The following BRIP1 variants were observed in gnomAD, a reference collection of about 807,000 sequenced individuals.
The protein encoded by BRIP1 is BRCA1 interacting DNA helicase 1.
BRIP1 carries 88 observed loss-of-function variants against 119.7 expected under a neutral mutation model. That is an observed-to-expected ratio of 0.74 (90% confidence interval 0.62 to 0.88). BRIP1 has a LOEUF of 0.88. Among genes scored for constraint, BRIP1 ranks in the 40% least tolerant of loss-of-function variants. BRIP1 has a pLI of 0.00. For synonymous variants in BRIP1, 443 were observed against 496.5 expected (o/e 0.89, Z 1.43); for missense variants, 1,259 against 1,455.4 (o/e 0.87, Z 2.20).
Position 61,761,679 on chromosome 17 carries a change from GAGAA to G in BRIP1, c.2097+14718_2097+14721del, listed in dbSNP as rs148321127. ...TTTTACAATAGCTACCAAAAAGAGAGAGAAAGAAAGAAAGAAATTTAACCAAGGT... is the reference window on the plus strand; with the variant it reads ...TTTTACAATAGCTACCAAAAAGAGAGAGAAAGAAAGAAATTTAACCAAGGT... On this transcript the variant is annotated intron_variant, in intron 14 of 19. Coordinates refer to ENST00000259008, the MANE Select transcript of BRIP1 (RefSeq NM_032043.3). The surrounding 1 kb of genome is among the most constrained non-coding windows in gnomAD (Gnocchi z 6.4). 7.2e-3 allele frequency among the ~76,000 whole-genome samples: 1,087 copies of G among 151,958 alleles called. 6 individuals carry two copies. Among genetic ancestry groups the G allele is most frequent in the Non-Finnish European group, 0.011 (726 of 67,884 alleles).
Position 61,803,132 on chromosome 17 carries a change from T to C in BRIP1, c.919-1658A>G, listed in dbSNP as rs1305640442. Among the ~76,000 whole-genome samples the C allele has an allele frequency of 6.6e-6, 1 of 151,730 alleles. No individual in the cohort carries two copies. The highest frequency in any genetic ancestry group is 1.9e-4 in the East Asian group (1 of 5,166). On this transcript the variant is annotated intron_variant, in intron 7 of 19. Transcript: ENST00000259008. This position sits in a 1 kb window ranked among gnomAD's most constrained non-coding sequence, Gnocchi z 4.3. ...TTTCAGAGATGGGAGTCTCACTCTG[T>C]CACCTGGGGTGCAGTGGCACGATCC...
In BRIP1 at chr17:61,756,121, T is replaced by A; in HGVS notation, c.2098-11530A>T. On this transcript the variant is annotated intron_variant, in intron 14 of 19. Coordinates refer to ENST00000259008, the MANE Select transcript of BRIP1 (RefSeq NM_032043.3). The surrounding 1 kb of genome is among the most constrained non-coding windows in gnomAD (Gnocchi z 4.3). ...ACTGGTTATTTTAGTGAAAATGGCC[T>A]ACAGCAAATTTTCAGTTTCAGATAA... Among the ~76,000 whole-genome samples, 1 of 152,226 alleles carries A rather than the reference T, an allele frequency of 6.6e-6. No homozygotes were observed. The highest frequency in any genetic ancestry group is 1.9e-4 in the East Asian group (1 of 5,204).
rs1292600973 is a variant in BRIP1, at chr17:61,762,843, T to C, written c.2097+13558A>G. On this transcript the variant is annotated intron_variant, in intron 14 of 19. Transcript: ENST00000259008. This position sits in a 1 kb window ranked among gnomAD's most constrained non-coding sequence, Gnocchi z 4.3. ...TTACTCAAAACACTCAAAACAGAAT[T>C]ACCTTATGATCTAGCAATCTCACTT... Among the ~76,000 whole-genome samples the C allele has an allele frequency of 6.6e-6, 1 of 152,102 alleles. No homozygotes were observed. Among genetic ancestry groups the C allele is most frequent in the Non-Finnish European group, 1.5e-5 (1 of 67,998 alleles).
In BRIP1 at chr17:61,794,615, T is replaced by G. The variant is rs1293660861; in HGVS notation, c.1341-886A>C. On this transcript the variant is annotated intron_variant, in intron 9 of 19. Transcript: ENST00000259008. The surrounding 1 kb of genome is among the most constrained non-coding windows in gnomAD (Gnocchi z 4.3). ...GCTTAATACCTGGGTGATGAAATAA[T>G]ATGTACAACAAACCCCCATAACATG... 1.3e-5 allele frequency among the ~76,000 whole-genome samples: 2 copies of G among 151,030 alleles called. No homozygotes were observed. Among genetic ancestry groups the G allele is most frequent in the East Asian group, 3.9e-4 (2 of 5,138 alleles).
At chr17:61,849,290 T>C (rs2078783094) in intron 4 of BRIP1, 34 bp from the exon 5 acceptor site, 1 of 1,593,876 alleles carries the variant, frequency 6.3e-7, no homozygotes, top group Non-Finnish European at 8.6e-7. Flanking sequence ...ACAGCATAAA[T>C]AACTTACAGG....
intron 14 of BRIP1, among the ~76,000 whole-genome samples, chr17:61,771,188 T>G: frequency 6.6e-6 from 1 of 152,208 alleles, no homozygotes; most frequent in East Asian, 1.9e-4. Context: ...ATTGTATGAT[T>G]CAATTTAGAT....
In BRIP1 at chr17:61,784,227, G is replaced by GCTATT. The variant is rs779194782; in HGVS notation, c.1628+38_1628+42dup. ...AAACACATGCTAGCATCCAAATTAG[G>GCTATT]CTATTTTTAAAAGGAAAATACATAC... is the stretch of plus-strand genomic sequence containing the variant. On this transcript the variant is annotated intron_variant, in intron 11 of 19. Transcript: ENST00000259008. 3.8e-6 allele frequency: 6 copies of GCTATT among 1,567,820 alleles called. No individual in the cohort carries two copies. In the South Asian group the frequency reaches 6.7e-5, roughly 18 times the overall value.
rs1238190976 is a variant in BRIP1 at position 61,852,408 on chromosome 17, CTTG to C, written c.380-3155_380-3153del. Among the ~76,000 whole-genome samples the C allele has an allele frequency of 6.6e-6, 1 of 152,068 alleles. No homozygotes were observed. The highest frequency in any genetic ancestry group is 1.5e-5 in the Non-Finnish European group (1 of 68,018). ...TGGAGGCTGGGCACGGTGGCTCACACTTGTAATTCAAGCACTTTGGGAGGCTGA... is the reference window on the plus strand; with the variant it reads ...TGGAGGCTGGGCACGGTGGCTCACACTAATTCAAGCACTTTGGGAGGCTGA... On this transcript the variant is annotated intron_variant, in intron 4 of 19. Transcript: ENST00000259008. This position sits in a 1 kb window ranked among gnomAD's most constrained non-coding sequence, Gnocchi z 4.9.
Position 61,683,030 on chromosome 17 carries a change from G to C in BRIP1, c.*266C>G, listed in dbSNP as rs1457281716. 4.8e-6 allele frequency: 2 copies of C among 417,430 alleles called. No homozygotes were observed. The highest frequency in any genetic ancestry group is 4.1e-5 in the African/African-American group (2 of 49,244). 25.9% of individuals were successfully genotyped at this position (417,430 alleles called of 1,614,324 possible). On this transcript the variant is annotated 3_prime_UTR_variant, in exon 20 of 20. Coordinates refer to ENST00000259008, the MANE Select transcript of BRIP1 (RefSeq NM_032043.3). This position sits in a 1 kb window ranked among gnomAD's most constrained non-coding sequence, Gnocchi z 4.7. ...ACCTGTAGTCCCAGCTACTCAGAAGGCTGAGGCAGGAGAATCACTTGAACC... is the reference window on the plus strand; with the variant it reads ...ACCTGTAGTCCCAGCTACTCAGAAGCCTGAGGCAGGAGAATCACTTGAACC...
intron 11 of BRIP1, among the ~76,000 whole-genome samples, chr17:61,782,418 A>G (rs894496382): frequency 1.3e-5 from 2 of 151,660 alleles, no homozygotes; most frequent in East Asian, 1.9e-4. Flanking sequence ...AAAAGAAAAC[A>G]TAGGGGAAAT....
rs532498983 is a variant in BRIP1, at chr17:61,769,719, G to A, written c.2097+6682C>T. Among the ~76,000 whole-genome samples, 26 of 152,242 alleles carry A rather than the reference G, an allele frequency of 1.7e-4. No homozygotes were observed. The South Asian group carries it at 2.3e-3, about 13-fold the overall frequency. On this transcript the variant is annotated intron_variant, in intron 14 of 19. Transcript: ENST00000259008. The surrounding 1 kb of genome is among the most constrained non-coding windows in gnomAD (Gnocchi z 4.9). ...TTCTGGGATCCATCTGAGAACTGAG[G>A]TCACAAGGCAAACTGCCACCCTGAA...
At chr17:61,850,721 G>T (rs138774514) in intron 4 of BRIP1, among the ~76,000 whole-genome samples, 1 of 151,846 alleles carries the variant, frequency 6.6e-6, no homozygotes, top group South Asian at 2.1e-4. Context: ...CCAGCTACTC[G>T]GGAGGTTGAG....
rs771317870 is a variant in BRIP1, at chr17:61,735,165, A to C, written c.2379+7848T>G. Among the ~76,000 whole-genome samples the C allele has an allele frequency of 2.0e-5, 3 of 152,152 alleles. No individual in the cohort carries two copies. The highest frequency in any genetic ancestry group is 2.9e-5 in the Non-Finnish European group (2 of 68,000). ...AGTATGGCAGACACACCCTAAGGTG[A>C]TATACAGAGAGTCACAACTTTGTAA... On this transcript the variant is annotated intron_variant, in intron 16 of 19. Coordinates refer to ENST00000259008, the MANE Select transcript of BRIP1 (RefSeq NM_032043.3). This position sits in a 1 kb window ranked among gnomAD's most constrained non-coding sequence, Gnocchi z 4.4.
chr17:61,829,908 T>C (rs754073002), intron 6 of BRIP1, among the ~76,000 whole-genome samples: 48 of 151,734 alleles, frequency 3.2e-4, no homozygotes, highest in Non-Finnish European at 5.0e-4. Flanking sequence ...AAATCAGTTA[T>C]CAACTATTTA....
In BRIP1 at chr17:61,814,259, T is replaced by C. The variant is rs112046916; in HGVS notation, c.628-5502A>G. 4.6e-5 allele frequency among the ~76,000 whole-genome samples: 7 copies of C among 152,116 alleles called. No individual in the cohort carries two copies. The highest frequency in any genetic ancestry group is 1.7e-4 in the African/African-American group (7 of 41,558). On this transcript the variant is annotated intron_variant, in intron 6 of 19. Transcript: ENST00000259008. The surrounding 1 kb of genome is among the most constrained non-coding windows in gnomAD (Gnocchi z 4.9). Reference sequence around the variant, plus strand: ...GAGTGAAAACACAGCTTCATTAACATGTTAAACTTCTATTTAAAGATACAT... The same window carrying C: ...GAGTGAAAACACAGCTTCATTAACACGTTAAACTTCTATTTAAAGATACAT...
chr17:61,771,145 C>T (rs1274135113), intron 14 of BRIP1, among the ~76,000 whole-genome samples: 2 of 152,106 alleles, frequency 1.3e-5, no homozygotes, highest in East Asian at 3.9e-4. Context: ...AAACATTACA[C>T]TATGTGAAAA....
intron 17 of BRIP1, among the ~76,000 whole-genome samples, chr17:61,715,417 A>C (rs979652764): frequency 5.9e-5 from 9 of 152,142 alleles, no homozygotes; most frequent in Middle Eastern, 3.2e-3. Context: ...AGCAGAATGA[A>C]AAATTGTGCA....
chr17:61,746,255 CT>C lies in BRIP1; in HGVS notation c.2098-1665del, dbSNP rs1252167276. ...ACACAGCTAAGAAGTTATTATATTA[CT>C]TTTTATTCTCCAGAAAGACATCAAG... is the stretch of plus-strand genomic sequence containing the variant. On this transcript the variant is annotated intron_variant, in intron 14 of 19. Transcript: ENST00000259008. The surrounding 1 kb of genome is among the most constrained non-coding windows in gnomAD (Gnocchi z 4.9). Among the ~76,000 whole-genome samples, 5 of 152,092 alleles carry C rather than the reference CT, an allele frequency of 3.3e-5. No individual in the cohort carries two copies. The highest frequency in any genetic ancestry group is 9.7e-5 in the African/African-American group (4 of 41,436).
At position 61,734,632 on chromosome 17, in the gene BRIP1, AC is replaced by A. The variant is rs1023972951; in HGVS notation, c.2379+8380del. 6.6e-6 allele frequency among the ~76,000 whole-genome samples: 1 copy of A among 152,156 alleles called. No homozygotes were observed. Among genetic ancestry groups the A allele is most frequent in the African/African-American group, 2.4e-5 (1 of 41,450 alleles). On this transcript the variant is annotated intron_variant, in intron 16 of 19. Transcript: ENST00000259008. This position sits in a 1 kb window ranked among gnomAD's most constrained non-coding sequence, Gnocchi z 5.2. Reference sequence around the variant, plus strand: ...TCCAAAATGAAATTTTCCTACCTCTACTTTCTAGTCCCTAAGGTGGGAAGAG... The same window carrying A: ...TCCAAAATGAAATTTTCCTACCTCTATTTCTAGTCCCTAAGGTGGGAAGAG...
Sources: gnomAD v4.1 joint callset for allele counts (sites outside exome capture counted in the v4.1 genomes callset) on GRCh38, gnomAD v4.1.1 for gene constraint, Gnocchi (gnomAD v3.1) non-coding constraint, MANE v1.5 for transcripts, NCBI Gene and HGNC (gene_info 2026-07-23, HGNC 2026-07-21) for gene names.